Variants in DGKH observed in about 807,000 individuals in gnomAD.
The protein encoded by DGKH is DAG kinase eta.
Under a neutral mutation model 159.3 loss-of-function variants are expected in DGKH, and 90 were observed. That is an observed-to-expected ratio of 0.57 (90% CI 0.48 to 0.67). The LOEUF (loss-of-function observed/expected upper bound fraction) is 0.67, where lower values mean the gene tolerates loss of function less well. Ranked by LOEUF, DGKH falls within the 30% of genes least tolerant of loss-of-function variation. The pLI, the probability that DGKH is intolerant of heterozygous loss-of-function variation, is 0.00. For synonymous variants in DGKH, 536 were observed against 553.8 expected (o/e 0.97, Z 0.45); for missense variants, 1,181 against 1,506.1 (o/e 0.78, Z 3.57).
intron 7 of DGKH, among the ~76,000 whole-genome samples, chr13:42,163,623 C>A (rs1433811401): frequency 6.6e-6 from 1 of 152,312 alleles, no homozygotes; most frequent in South Asian, 2.1e-4. Flanking sequence ...TGATAGTGAG[C>A]ATTTTTTCAT....
Position 42,238,624 on chromosome 13 carries a change from A to C in DGKH, c.*9436A>C, listed in dbSNP as rs1214507006. ...GAGTTCTGAATGTTTAATCCAGAGC[A>C]TGGATCACTGACTGCGTTCTCTGAC... On this transcript the variant is annotated 3_prime_UTR_variant, in exon 30 of 30. Transcript: ENST00000337343. 2 of 152,188 alleles carry C rather than the reference A, an allele frequency of 1.3e-5. No individual in the cohort carries two copies. Among genetic ancestry groups the C allele is most frequent in the African/African-American group, 4.8e-5 (2 of 41,458 alleles). The allele number at this position is 152,188 out of a possible 1,614,324, so 9.4% of individuals were successfully genotyped here.
intron 1 of DGKH, among the ~76,000 whole-genome samples, chr13:42,091,165 T>C (rs1431582240): frequency 6.6e-6 from 1 of 152,174 alleles, no homozygotes; most frequent in East Asian, 1.9e-4. Context: ...ATCAAAGACC[T>C]AAACATAAGA....
rs1594273615 is a variant in DGKH, at chr13:42,250,487, T to C, written n.4055-1922T>C. ...TTGAATGCTATCACCAGCCCCTATT[T>C]TACAAATAATAAACTGAAGCCTTGA... On this transcript the variant is annotated intron_variant and non_coding_transcript_variant, in intron 29 of 30. Transcript: ENST00000498255. 2.0e-5 allele frequency among the ~76,000 whole-genome samples: 3 copies of C among 152,262 alleles called. No individual in the cohort carries two copies. In the South Asian group the frequency reaches 6.2e-4, roughly 32 times the overall value.
At chr13:42,168,871 T>C (rs1956373614) in intron 11 of DGKH, 53 bp downstream of exon 11, 1 of 1,502,490 alleles carries the variant, frequency 6.7e-7, no homozygotes, top group Admixed American at 2.3e-5. Flanking sequence ...ACTGAAATCA[T>C]TTTTTTGATG....
At chr13:42,217,923 A>T (rs1957844880) in intron 26 of DGKH, among the ~76,000 whole-genome samples, 1 of 152,142 alleles carries the variant, frequency 6.6e-6, no homozygotes, top group Admixed American at 6.5e-5. Flanking sequence ...AAACCCAGCT[A>T]CTTTGGTGGC....
rs1047827322 is a variant in DGKH, at chr13:42,179,012, A to G, written c.1538+792A>G. Among the ~76,000 whole-genome samples the G allele has an allele frequency of 3.3e-5, 5 of 152,264 alleles. No homozygotes were observed. In the South Asian group the frequency reaches 1.0e-3, roughly 31 times the overall value. Reference sequence around the variant, plus strand: ...GTATATTATGTACTTAATTCACAGTAAAGTTGAGGAAAGACAAGATCAATC... The same window carrying G: ...GTATATTATGTACTTAATTCACAGTGAAGTTGAGGAAAGACAAGATCAATC... On this transcript the variant is annotated intron_variant, in intron 13 of 29. Coordinates refer to ENST00000337343, the MANE Select transcript of DGKH (RefSeq NM_178009.5).
In DGKH at chr13:42,042,825, G is replaced by A. The variant is rs949249784; in HGVS notation, c.-13+2699G>A. ...TACAAGCGACTTTATTCTAAACCCT[G>A]TGGTCGTACAGATATCACCAAGTCC... On this transcript the variant is annotated intron_variant, in intron 1 of 29. Coordinates refer to the DGKH transcript ENST00000379274. Among the ~76,000 whole-genome samples, 8 of 152,284 alleles carry A rather than the reference G, an allele frequency of 5.3e-5. No homozygotes were observed. The South Asian group carries it at 8.3e-4, about 16-fold the overall frequency.
chr13:42,144,289 GATGTTTGCA>G (rs1315401168), intron 3 of DGKH, among the ~76,000 whole-genome samples: 1 of 152,188 alleles, frequency 6.6e-6, no homozygotes, highest in African/African-American at 2.4e-5. Flanking sequence ...AAATCCCAGA[GATGTTTGCA>G]ACCCTATGCC....
chr13:42,248,362 C>T (rs1958596231), intron 29 of DGKH, among the ~76,000 whole-genome samples: 1 of 151,534 alleles, frequency 6.6e-6, no homozygotes, highest in South Asian at 2.1e-4. Flanking sequence ...GCAGAGGTTG[C>T]TTGCAGTGAC....
chr13:42,245,301 G>C (rs923368480), downstream of DGKH, among the ~76,000 whole-genome samples: 1 of 152,182 alleles, frequency 6.6e-6, no homozygotes, highest in African/African-American at 2.4e-5. Flanking sequence ...AACTCCATGA[G>C]GGAAAGGATT....
intron 1 of DGKH, among the ~76,000 whole-genome samples, chr13:42,107,913 C>G (rs1272753958): frequency 3.3e-5 from 5 of 152,122 alleles, no homozygotes; most frequent in African/African-American, 1.2e-4. Context: ...GCATGGAGGA[C>G]AAAAGGGATT....
At chr13:42,248,652 A>G (rs1419954236) in intron 29 of DGKH, among the ~76,000 whole-genome samples, 1 of 148,022 alleles carries the variant, frequency 6.8e-6, no homozygotes. Flanking sequence ...ATTATGATAT[A>G]TATTTATATT....
rs978938661 is a variant in DGKH, at chr13:42,242,249, A to C, written c.*13061A>C. ...CAGTATAGTTCCTTTTGTCCCTTAC[A>C]TTGGAAAAGGTATTTTAAATTTAGC... On this transcript the variant is annotated 3_prime_UTR_variant, in exon 30 of 30. Coordinates refer to ENST00000337343, the MANE Select transcript of DGKH (RefSeq NM_178009.5). 5.3e-5 allele frequency: 8 copies of C among 152,234 alleles called. No homozygotes were observed. Among genetic ancestry groups the C allele is most frequent in the African/African-American group, 1.9e-4 (8 of 41,478 alleles). The allele number at this position is 152,234 out of a possible 1,614,324, so 9.4% of individuals were successfully genotyped here. A position where few individuals can be genotyped will look rare whatever the true frequency, so the allele number is the denominator to read the frequency against.
intron 1 of DGKH, among the ~76,000 whole-genome samples, chr13:42,049,186 G>C (rs1274980774): frequency 3.8e-5 from 5 of 130,986 alleles, no homozygotes; most frequent in Admixed American, 1.4e-4. Context: ...GCGGGGCGGG[G>C]AGGGGTGGGG....
At chr13:42,071,004 GC>G in intron 1 of DGKH, 1 of 1,302,898 alleles carries the variant, frequency 7.7e-7, no homozygotes, top group Non-Finnish European at 1.1e-6. Flanking sequence ...ACAAGTAATT[GC>G]CTCCACAACC....
chr13:42,072,422 T>C (rs974751607), intron 1 of DGKH, among the ~76,000 whole-genome samples: 13 of 152,250 alleles, frequency 8.5e-5, no homozygotes, highest in African/African-American at 2.9e-4. Flanking sequence ...GAACTGTGGC[T>C]GGAACATATT....
Position 42,134,534 on chromosome 13 carries a change from C to G in DGKH, c.384+4902C>G, listed in dbSNP as rs529506404. 6.6e-5 allele frequency among the ~76,000 whole-genome samples: 10 copies of G among 152,298 alleles called. No homozygotes were observed. In the South Asian group the frequency reaches 2.1e-3, roughly 32 times the overall value. On this transcript the variant is annotated intron_variant, in intron 3 of 29. Coordinates refer to ENST00000337343, the MANE Select transcript of DGKH (RefSeq NM_178009.5). ...TTTATCTCAGGTTTTATAGGCCACA[C>G]AGTATTGCTAGATTCTTCTGCTCCA...
At position 42,121,098 on chromosome 13, in the gene DGKH, GCA is replaced by G. The variant is rs763927642; in HGVS notation, c.193-6351_193-6350del. Among the ~76,000 whole-genome samples, 194 of 84,306 alleles carry G rather than the reference GCA, an allele frequency of 2.3e-3. 1 individual carries two copies. Among genetic ancestry groups the G allele is most frequent in the Admixed American group, 3.7e-3 (38 of 10,314 alleles). The allele number at this position is 84,306 out of a possible 152,430, so 55.3% of individuals were successfully genotyped here. ...ACACACACACACACACACAACATGCGCACACACACACACACGCACACAAGACA... is the reference window on the plus strand; with the variant it reads ...ACACACACACACACACACAACATGCGCACACACACACACGCACACAAGACA... On this transcript the variant is annotated intron_variant, in intron 1 of 29. Transcript: ENST00000337343.
chr13:42,226,926 A>G (rs1958148592), intron 29 of DGKH, among the ~76,000 whole-genome samples: 1 of 152,134 alleles, frequency 6.6e-6, no homozygotes. Context: ...AATACTATGC[A>G]GCCATAAAAA....
Sources: gnomAD v4.1 joint callset for allele counts (sites outside exome capture counted in the v4.1 genomes callset) on GRCh38, gnomAD v4.1.1 for gene constraint, MANE v1.5 for transcripts, NCBI Gene and HGNC (gene_info 2026-07-23, HGNC 2026-07-21) for gene names.